The following NFIA variants were observed in gnomAD, a reference collection of about 807,000 sequenced individuals.
NFIA encodes nuclear factor 1 A-type.
NFIA carries 8 observed loss-of-function variants against 62.8 expected under a neutral mutation model. The observed-to-expected ratio is 0.13, with a 90% CI of 0.07 to 0.23. The LOEUF is 0.23. Among genes scored for constraint, NFIA ranks in the 10% least tolerant of loss-of-function variants. NFIA has a pLI of 1.00. For synonymous variants in NFIA, 235 were observed against 238.1 expected (o/e 0.99, Z 0.12); for missense variants, 410 against 642.1 (o/e 0.64, Z 3.91).
intron 2 of NFIA, among the ~76,000 whole-genome samples, chr1:61,184,145 C>A (rs200274785): frequency 0.085 from 12,073 of 141,838 alleles, 583 homozygotes; most frequent in African/African-American, 0.17. Flanking sequence ...AAAAAAAACC[C>A]AAAAAAACAA....
rs146260602 is a variant in NFIA at position 61,136,056 on chromosome 1, A to T, written c.559+47376A>T. ...AAGTTGAACTCACGAGATATACTAC[A>T]TCATGTAATATGTCTGCATTTGTCC... is the stretch of plus-strand genomic sequence containing the variant. On this transcript the variant is annotated intron_variant, in intron 2 of 10. Transcript: ENST00000403491. Among the ~76,000 whole-genome samples the T allele has an allele frequency of 3.5e-4, 54 of 152,362 alleles. 1 individual carries two copies. In the East Asian group the frequency reaches 9.4e-3, roughly 27 times the overall value.
At chr1:61,206,254 A>G (rs1307159196) in intron 2 of NFIA, among the ~76,000 whole-genome samples, 5 of 152,144 alleles carry the variant, frequency 3.3e-5, no homozygotes, top group African/African-American at 1.2e-4. Flanking sequence ...CCTGGTTGAA[A>G]AGTGTTTCAT....
At chr1:61,171,084 A>C (rs1233618804) in intron 2 of NFIA, among the ~76,000 whole-genome samples, 3 of 152,212 alleles carry the variant, frequency 2.0e-5, no homozygotes, top group African/African-American at 7.2e-5. Flanking sequence ...ATAAAGCCTT[A>C]AAATGGATAC....
At chr1:61,308,156 A>G (rs1387270989) in intron 3 of NFIA, among the ~76,000 whole-genome samples, 1 of 152,222 alleles carries the variant, frequency 6.6e-6, no homozygotes, top group Non-Finnish European at 1.5e-5. Context: ...TAAGCTGGAA[A>G]AATGCAGTAG....
upstream of NFIA, chr1:61,081,896 G>T: frequency 6.5e-7 from 1 of 1,546,040 alleles, no homozygotes; most frequent in Non-Finnish European, 8.7e-7. Flanking sequence ...TTCAGTGGGG[G>T]AAAAAAAGTT....
At chr1:61,424,214 A>G (rs917190720) in intron 9 of NFIA, among the ~76,000 whole-genome samples, 6 of 152,182 alleles carry the variant, frequency 3.9e-5, no homozygotes, top group Admixed American at 6.5e-5. Context: ...TAGCTAAAGT[A>G]TTTGCATGCT....
At chr1:61,222,227 A>G (rs1654059280) in intron 2 of NFIA, among the ~76,000 whole-genome samples, 1 of 152,158 alleles carries the variant, frequency 6.6e-6, no homozygotes, top group African/African-American at 2.4e-5. Context: ...CAGAAGCAAC[A>G]CCTTTAAAGA....
intron 2 of NFIA, among the ~76,000 whole-genome samples, chr1:61,193,832 A>G (rs1012238768): frequency 2.0e-5 from 3 of 152,170 alleles, no homozygotes; most frequent in Non-Finnish European, 4.4e-5. Context: ...GAAATACCAA[A>G]AGGCAAACAT....
intron 5 of NFIA, among the ~76,000 whole-genome samples, chr1:61,357,218 G>A (rs1308740826): frequency 1.3e-5 from 2 of 152,172 alleles, no homozygotes; most frequent in Non-Finnish European, 2.9e-5. Flanking sequence ...CCTCCCTTCT[G>A]GGGGTTATGT....
rs58081092 is a variant in NFIA, at chr1:61,406,543, GCCC to G, written c.1255-7_1255-5del. 6,553 of 872,130 alleles carry G rather than the reference GCCC, an allele frequency of 7.5e-3. 102 individuals are homozygous for G. The highest frequency in any genetic ancestry group is 0.033 in the African/African-American group (1,247 of 37,548). 54.0% of individuals were successfully genotyped at this position (872,130 alleles called of 1,614,324 possible). A position where few individuals can be genotyped will look rare whatever the true frequency, so the allele number is the denominator to read the frequency against. Reference sequence around the variant, plus strand: ...TCTTTTTCTTGTACGTGTGTTTTCTGCCCCCCCCCCCCCCACAGCCCAATGGGA... The same window carrying G: ...TCTTTTTCTTGTACGTGTGTTTTCTGCCCCCCCCCCCACAGCCCAATGGGA... On this transcript the variant is annotated splice_polypyrimidine_tract_variant and intron_variant, in intron 8 of 10. Coordinates refer to ENST00000403491, the MANE Select transcript of NFIA (RefSeq NM_001134673.4).
intron 3 of NFIA, among the ~76,000 whole-genome samples, chr1:61,329,564 G>C (rs1661177699): frequency 6.6e-6 from 1 of 151,642 alleles, no homozygotes; most frequent in African/African-American, 2.4e-5. Context: ...TGTATTTTCA[G>C]TAGAGACGGG....
At chr1:61,154,449 C>A (rs1648648050) in intron 2 of NFIA, among the ~76,000 whole-genome samples, 1 of 152,118 alleles carries the variant, frequency 6.6e-6, no homozygotes, top group African/African-American at 2.4e-5. Flanking sequence ...AGCCACCACA[C>A]CCGGCCTTAT....
chr1:61,244,156 A>C (rs1012929162), intron 2 of NFIA, among the ~76,000 whole-genome samples: 1 of 152,172 alleles, frequency 6.6e-6, no homozygotes, highest in Non-Finnish European at 1.5e-5. Context: ...AACAGCTGTT[A>C]TTCCTTTTTA....
At chr1:61,442,917 C>T (rs1015719999) in intron 10 of NFIA, among the ~76,000 whole-genome samples, 2 of 152,158 alleles carry the variant, frequency 1.3e-5, no homozygotes, top group Non-Finnish European at 2.9e-5. Context: ...TTCTGCAGAA[C>T]GTCATCTAAA....
intron 2 of NFIA, chr1:61,249,904 A>G (rs1241845991): frequency 6.6e-6 from 1 of 152,236 alleles, no homozygotes; most frequent in Non-Finnish European, 1.5e-5. Flanking sequence ...AATTCAAGGA[A>G]GCAAACATGG....
intron 9 of NFIA, among the ~76,000 whole-genome samples, chr1:61,425,105 C>T (rs761195419): frequency 6.6e-6 from 1 of 152,206 alleles, no homozygotes; most frequent in Non-Finnish European, 1.5e-5. Context: ...CCCTCATGCT[C>T]AGCCTCTGTT....
At chr1:61,289,729 T>A (rs1233543755) in intron 3 of NFIA, among the ~76,000 whole-genome samples, 6 of 152,264 alleles carry the variant, frequency 3.9e-5, no homozygotes, top group African/African-American at 1.4e-4. Flanking sequence ...CCTCTTGTTT[T>A]GCTCTCATCT....
intron 2 of NFIA, among the ~76,000 whole-genome samples, chr1:61,267,834 G>C (rs1379874466): frequency 1.3e-5 from 2 of 152,148 alleles, no homozygotes; most frequent in Non-Finnish European, 2.9e-5. Context: ...TCCTGATTAG[G>C]AGCTTTTTGA....
chr1:61,374,768 A>G (rs1309334716), intron 6 of NFIA, among the ~76,000 whole-genome samples: 1 of 152,244 alleles, frequency 6.6e-6, no homozygotes, highest in Admixed American at 6.5e-5. Context: ...TTCAATGGCT[A>G]CATATAGAGT....
Sources: allele counts gnomAD v4.1 joint callset (sites outside exome capture counted in the v4.1 genomes callset), GRCh38; gene constraint gnomAD v4.1.1; transcripts MANE v1.5; gene names NCBI Gene and HGNC (gene_info 2026-07-23, HGNC 2026-07-21).